Variants in ZFYVE16 observed in about 807,000 individuals in gnomAD.
The protein encoded by ZFYVE16 is zinc finger FYVE-type containing 16, also known as zinc finger FYVE domain-containing protein 16.
Under a neutral mutation model 138.1 loss-of-function variants are expected in ZFYVE16, and 89 were observed. The ratio of observed to expected loss-of-function variants is 0.64; its 90% confidence interval spans 0.54 to 0.77. The LOEUF is 0.77. Among genes scored for constraint, ZFYVE16 ranks in the 30% least tolerant of loss-of-function variants. The pLI is 0.00. For synonymous variants in ZFYVE16, 596 were observed against 618.3 expected (o/e 0.96, Z 0.53); for missense variants, 1,793 against 1,786.7 (o/e 1.00, Z -0.06).
chr5:80,452,872 A>G (rs1752134563), intron 11 of ZFYVE16, among the ~76,000 whole-genome samples: 1 of 152,156 alleles, frequency 6.6e-6, no homozygotes, highest in Non-Finnish European at 1.5e-5. Flanking sequence ...TGGTGATTCT[A>G]AAGCTGCTGT....
rs1006587817 is a variant in ZFYVE16 at position 80,455,539 on chromosome 5, C to CA, written c.3608-143dup. On this transcript the variant is annotated intron_variant, in intron 11 of 18. Coordinates refer to ENST00000505560, the MANE Select transcript of ZFYVE16 (RefSeq NM_001284236.3). ...ACAGAGTGAGACCTTGTCTCAAAAA[C>CA]AAAAAAAAAATTATCTCTCACTTTC... The CA allele has an allele frequency of 5.6e-3, 3,148 of 562,184 alleles. 1 individual carries two copies. The highest frequency in any genetic ancestry group is 8.6e-3 in the East Asian group (230 of 26,742). The allele number at this position is 562,184 out of a possible 1,614,324, so 34.8% of individuals were successfully genotyped here.
At chr5:80,444,286 ATATT>A (rs1186625494) in intron 6 of ZFYVE16, among the ~76,000 whole-genome samples, 32 of 152,258 alleles carry the variant, frequency 2.1e-4, no homozygotes, top group African/African-American at 6.5e-4. Flanking sequence ...AAATATGTAT[ATATT>A]CTATTGATAA....
chr5:80,463,162 G>T (rs190682967), intron 15 of ZFYVE16, among the ~76,000 whole-genome samples: 1 of 152,268 alleles, frequency 6.6e-6, no homozygotes, highest in African/African-American at 2.4e-5. Flanking sequence ...GACTCTTTGT[G>T]GGGACATTTC....
chr5:80,456,041 T>C (rs989722745), intron 12 of ZFYVE16: 3 of 400,002 alleles, frequency 7.5e-6, no homozygotes. Context: ...ATTTAGGTAA[T>C]GTAAGAACTC....
Position 80,419,871 on chromosome 5 carries a change from G to GT in ZFYVE16, c.-93-7620dup, listed in dbSNP as rs372796868. 6.2e-3 allele frequency among the ~76,000 whole-genome samples: 944 copies of GT among 151,916 alleles called. 11 individuals are homozygous for GT. The highest frequency in any genetic ancestry group is 0.021 in the African/African-American group (873 of 41,436). ...CTGTCACCCAGGCTGGAGTGCAGTG[G>GT]TGTGATCTTGGCTTACTGCAACATC... On this transcript the variant is annotated intron_variant, in intron 1 of 18. Transcript: ENST00000505560.
intron 17 of ZFYVE16, 113 bp from the exon 18 acceptor site, chr5:80,474,550 C>T (rs1414260728): frequency 9.2e-7 from 1 of 1,087,996 alleles, no homozygotes; most frequent in African/African-American, 1.6e-5. Context: ...ATTCTCACAA[C>T]TAATGCTTTT....
At chr5:80,416,117 G>A (rs1325440389) in intron 1 of ZFYVE16, among the ~76,000 whole-genome samples, 1 of 151,698 alleles carries the variant, frequency 6.6e-6, no homozygotes, top group Non-Finnish European at 1.5e-5. Flanking sequence ...GGAATGGGGA[G>A]TTCTACTTCC....
At chr5:80,412,744 C>T (rs748691339) in intron 1 of ZFYVE16, among the ~76,000 whole-genome samples, 111 of 152,108 alleles carry the variant, frequency 7.3e-4, no homozygotes, top group Non-Finnish European at 1.3e-3. Context: ...AGTTTCTGTG[C>T]TTAATTTGTT....
At chr5:80,449,542 T>C in intron 8 of ZFYVE16, 49 bp from the exon 9 acceptor site, 17 of 1,551,852 alleles carry the variant, frequency 1.1e-5, no homozygotes, top group African/African-American at 1.4e-5. Context: ...TTTGTAAGCA[T>C]ATTTAACAGG....
Position 80,450,466 on chromosome 5 carries a change from G to A in ZFYVE16, c.3262G>A (p.Gly1088Arg). Residue 1088 changes from glycine (G) to arginine (R), a missense_variant, in exon 10 of 19, where the codon GGA becomes AGA. This residue lies in a region of ZFYVE16 where 498 missense variants were observed against 582.4 expected (regional missense o/e 0.86). Transcript: ENST00000505560. Reference sequence around the variant, plus strand: ...CAAATATTGGTACTTTTCAACCAATGGATTGCATGGCTTGGGACAGGCAGA... The same window carrying A: ...CAAATATTGGTACTTTTCAACCAATAGATTGCATGGCTTGGGACAGGCAGA... The part of the protein sequence containing the change: ...SDKYWYFSTN[G>R]LHGLGQAEII... The A allele has an allele frequency of 6.2e-7, 1 of 1,613,508 alleles. No homozygotes were observed. Among genetic ancestry groups the A allele is most frequent in the African/African-American group, 1.3e-5 (1 of 75,008 alleles).
chr5:80,463,578 G>A (rs754864353), intron 15 of ZFYVE16, among the ~76,000 whole-genome samples: 5 of 152,138 alleles, frequency 3.3e-5, no homozygotes, highest in Non-Finnish European at 5.9e-5. Flanking sequence ...GGGGATTAAT[G>A]TTTGGCTTCT....
rs747092886 is a variant in ZFYVE16, at chr5:80,448,352, T to C, written c.3051T>C (p.Asn1017=). The part of the protein sequence containing the change: ...YVCNKISLLP[N]DEDSLPPLLV... ...GCAATAAGATTAGTCTTCTACCTAATGATGAGGACAGTTTGCCCCCACTTC... is the reference window on the plus strand; with the variant it reads ...GCAATAAGATTAGTCTTCTACCTAACGATGAGGACAGTTTGCCCCCACTTC... Residue 1017 remains asparagine, a synonymous_variant, in exon 8 of 19, where the codon AAT becomes AAC. Coordinates refer to ENST00000505560, the MANE Select transcript of ZFYVE16 (RefSeq NM_001284236.3). The C allele has an allele frequency of 2.5e-6, 4 of 1,594,984 alleles. No individual in the cohort carries two copies.
At position 80,438,960 on chromosome 5, in the gene ZFYVE16, A is replaced by G; in HGVS notation, c.2275A>G (p.Lys759Glu). Residue 759 changes from lysine (K) to glutamate (E), a missense_variant, in exon 4 of 19, where the codon AAA becomes GAA. This residue lies in a region of ZFYVE16 where 1,295 missense variants were observed against 1,204.3 expected (regional missense o/e 1.08). Transcript: ENST00000505560. ...TCCAAACTGTATGAACTGCCAAGTC[A>G]AATTTACTTTTACCAAACGGCGACA... is the stretch of plus-strand genomic sequence containing the variant. ...EAPNCMNCQV[K>E]FTFTKRRHHC... is the part of the protein sequence containing the mutation. The G allele has an allele frequency of 6.2e-7, 1 of 1,613,512 alleles. No individual in the cohort carries two copies. The highest frequency in any genetic ancestry group is 8.5e-7 in the Non-Finnish European group (1 of 1,179,630).
At chr5:80,422,602 C>T (rs1013805121) in intron 1 of ZFYVE16, among the ~76,000 whole-genome samples, 2 of 152,012 alleles carry the variant, frequency 1.3e-5, no homozygotes, top group Admixed American at 1.3e-4. Context: ...TTACAGGTGC[C>T]CGCCACCATG....
At chr5:80,476,372 G>C (rs1274007977) in intron 18 of ZFYVE16, among the ~76,000 whole-genome samples, 2 of 152,078 alleles carry the variant, frequency 1.3e-5, no homozygotes, top group East Asian at 3.8e-4. Context: ...CTGTTTCCCA[G>C]GTTGGTCTTG....
At position 80,438,576 on chromosome 5, in the gene ZFYVE16, A is replaced by G. The variant is rs200264514; in HGVS notation, c.1891A>G (p.Thr631Ala). 606 of 1,614,170 alleles carry G rather than the reference A, an allele frequency of 3.8e-4. 4 individuals carry two copies. The highest frequency in any genetic ancestry group is 2.8e-3 in the South Asian group (257 of 91,082). The part of the protein sequence containing the change: ...QGLPTSKSEI[T>A]NQLSVSDINS... The stretch of plus-strand genomic sequence containing the variant: ...GTTACCTACCAGTAAGTCTGAGATT[A>G]CAAATCAATTATCGGTCTCTGATAT... The change falls in exon 4 of 19, where the codon ACA becomes GCA. Residue 631 changes from threonine (T) to alanine (A), a missense_variant. By Grantham distance (58) the Thr-to-Ala change is moderately conservative. Coordinates refer to ENST00000505560, the MANE Select transcript of ZFYVE16 (RefSeq NM_001284236.3).
At chr5:80,445,431 T>C (rs1462835258) in intron 7 of ZFYVE16, 26 bp downstream of exon 7, 1 of 1,593,028 alleles carries the variant, frequency 6.3e-7, no homozygotes, top group Non-Finnish European at 8.5e-7. Flanking sequence ...AATAACTTAA[T>C]TGACTAAACA....
upstream of ZFYVE16, among the ~76,000 whole-genome samples, chr5:80,407,716 A>G (rs1271086756): frequency 1.3e-5 from 2 of 152,232 alleles, no homozygotes; most frequent in East Asian, 3.9e-4. Context: ...GCAAAGGGCT[A>G]AGGCTGGAGC....
At chr5:80,443,633 A>G (rs914827976) in intron 6 of ZFYVE16, among the ~76,000 whole-genome samples, 2 of 152,160 alleles carry the variant, frequency 1.3e-5, no homozygotes, top group African/African-American at 2.4e-5. Flanking sequence ...TATAGTTGGT[A>G]CTCAGATGAC....
Sources: gnomAD v4.1 joint callset for allele counts (sites outside exome capture counted in the v4.1 genomes callset) on GRCh38, gnomAD v4.1.1 for gene constraint, gnomAD v4.1.1 regional missense constraint, MANE v1.5 for transcripts, NCBI Gene and HGNC (gene_info 2026-07-23, HGNC 2026-07-21) for gene names.